Variants in TBC1D19 observed in about 807,000 individuals in gnomAD.
TBC1D19 encodes TBC1 domain family member 19, also known as TBC1 domain family, member 19.
Under a neutral mutation model 89.0 loss-of-function variants are expected in TBC1D19, and 60 were observed. The ratio of observed to expected loss-of-function variants is 0.67; its 90% confidence interval spans 0.55 to 0.84. TBC1D19 has a LOEUF of 0.84. Among genes scored for constraint, TBC1D19 ranks in the 40% least tolerant of loss-of-function variants. The pLI is 0.00. For synonymous variants in TBC1D19, 189 were observed against 199.7 expected, an observed-to-expected ratio of 0.95 and a Z score of 0.45; for missense variants, 500 against 610.8, an observed-to-expected ratio of 0.82 and a Z score of 1.91.
At chr4:26,673,140 A>G (rs2109110324) in intron 10 of TBC1D19, among the ~76,000 whole-genome samples, 1 of 151,870 alleles carries the variant, frequency 6.6e-6, no homozygotes, top group South Asian at 2.1e-4. Context: ...GATTGTGTGA[A>G]CTTGGCTTTT....
upstream of TBC1D19, among the ~76,000 whole-genome samples, chr4:26,583,478 C>G (rs1739194711): frequency 6.6e-6 from 1 of 152,128 alleles, no homozygotes; most frequent in South Asian, 2.1e-4. Context: ...CTTATTCATC[C>G]TTGAATTGCT....
chr4:26,597,550 A>T (rs1272972798), intron 1 of TBC1D19, among the ~76,000 whole-genome samples: 1 of 133,340 alleles, frequency 7.5e-6, no homozygotes. Flanking sequence ...TTTTAAGTAG[A>T]GACGGGGTTT....
At chr4:26,614,889 T>C (rs1182127806) in intron 3 of TBC1D19, among the ~76,000 whole-genome samples, 1 of 151,938 alleles carries the variant, frequency 6.6e-6, no homozygotes, top group Admixed American at 6.6e-5. Flanking sequence ...TGTTGGCCAG[T>C]CTAGTCTCGA....
intron 7 of TBC1D19, among the ~76,000 whole-genome samples, chr4:26,651,219 A>ATG: frequency 6.6e-6 from 1 of 152,094 alleles, no homozygotes; most frequent in Admixed American, 6.6e-5. Flanking sequence ...GGTTCCATGC[A>ATG]AACTTTATGG....
chr4:26,635,766 A>G (rs78143283), intron 4 of TBC1D19, among the ~76,000 whole-genome samples: 4,299 of 152,200 alleles, frequency 0.028, 189 homozygotes, highest in African/African-American at 0.096. Context: ...CCCATAAGCA[A>G]AGTCACCTAA....
At chr4:26,743,780 A>T (rs1718500667) in intron 18 of TBC1D19, among the ~76,000 whole-genome samples, 1 of 151,776 alleles carries the variant, frequency 6.6e-6, no homozygotes, top group Admixed American at 6.6e-5. Context: ...TAAGACTTTT[A>T]TTCTTGTAGT....
At chr4:26,607,388 T>C (rs1741080472) in intron 1 of TBC1D19, among the ~76,000 whole-genome samples, 1 of 152,208 alleles carries the variant, frequency 6.6e-6, no homozygotes, top group African/African-American at 2.4e-5. Context: ...TAATTTATAT[T>C]GGACTTCACA....
At chr4:26,846,386 A>G in the TBC1D19 span, among the ~76,000 whole-genome samples, 2 of 152,282 alleles carry the variant, frequency 1.3e-5, no homozygotes, top group South Asian at 2.1e-4. Flanking sequence ...TCATTTTTCA[A>G]CTACTTGTAT....
chr4:26,708,759 C>T (rs1425713749), intron 13 of TBC1D19, among the ~76,000 whole-genome samples: 1 of 151,956 alleles, frequency 6.6e-6, no homozygotes, highest in East Asian at 1.9e-4. Context: ...CTTTGAATCC[C>T]TCTACTGAGT....
intron 18 of TBC1D19, among the ~76,000 whole-genome samples, chr4:26,745,471 G>T (rs1391601203): frequency 7.1e-6 from 1 of 141,376 alleles, no homozygotes; most frequent in Non-Finnish European, 1.5e-5. Flanking sequence ...GTTTTTGATA[G>T]GTGCCATGAG....
the TBC1D19 span, among the ~76,000 whole-genome samples, chr4:26,810,392 C>G: frequency 1.3e-5 from 2 of 152,212 alleles, no homozygotes. Context: ...AGTGCCTCAT[C>G]TATCCAGGCC....
chr4:26,751,195 A>G (rs1316989545), intron 19 of TBC1D19, among the ~76,000 whole-genome samples: 8 of 152,194 alleles, frequency 5.3e-5, no homozygotes, highest in Non-Finnish European at 8.8e-5. Context: ...ATGTGACACC[A>G]AGATAAATAA....
chr4:26,649,943 A>G (rs537659215), intron 7 of TBC1D19, among the ~76,000 whole-genome samples: 203 of 133,840 alleles, frequency 1.5e-3, no homozygotes, highest in African/African-American at 4.6e-3. Flanking sequence ...ATTCCCACCT[A>G]TGAGTGAGAA....
chr4:26,650,211 C>T (rs1744266815), intron 7 of TBC1D19, among the ~76,000 whole-genome samples: 1 of 151,942 alleles, frequency 6.6e-6, no homozygotes, highest in Non-Finnish European at 1.5e-5. Context: ...GATTTATAAT[C>T]CTTTGAGTAT....
At position 26,584,268 on chromosome 4, in the gene TBC1D19, C is replaced by T. The variant is rs766433249; in HGVS notation, c.75C>T (p.Tyr25=). The T allele has an allele frequency of 6.2e-5, 100 of 1,611,938 alleles. No individual in the cohort carries two copies. Among genetic ancestry groups the T allele is most frequent in the Non-Finnish European group, 7.3e-5 (86 of 1,179,358 alleles). The part of the protein sequence containing the change: ...IVQKLKGSNL[Y]SQLERQAWAS... ...AAAAGCTCAAGGGCTCCAATTTGTA[C>T]TCTCAGCTGGAACGGCAGGCCTGGG... Residue 25 remains tyrosine (Y), a synonymous_variant, in exon 1 of 21, where the codon TAC becomes TAT. Coordinates refer to ENST00000264866, the MANE Select transcript of TBC1D19 (RefSeq NM_018317.4).
chr4:26,742,720 A>G (rs1301702251), intron 18 of TBC1D19, 121 bp downstream of exon 18: 3 of 589,924 alleles, frequency 5.1e-6, no homozygotes, highest in Non-Finnish European at 8.3e-6. Context: ...AGTTTTCCTA[A>G]TAAAACTATA....
the TBC1D19 span, among the ~76,000 whole-genome samples, chr4:26,762,633 A>G: frequency 2.0e-5 from 3 of 152,204 alleles, no homozygotes; most frequent in Non-Finnish European, 2.9e-5. Context: ...TGAAAACTGT[A>G]TATGTTACCT....
At chr4:26,644,316 C>G (rs1312705176) in intron 7 of TBC1D19, among the ~76,000 whole-genome samples, 1 of 152,102 alleles carries the variant, frequency 6.6e-6, no homozygotes, top group Non-Finnish European at 1.5e-5. Flanking sequence ...GAACCAAAGA[C>G]AAAAATCACA....
At chr4:26,763,034 C>T in the TBC1D19 span, among the ~76,000 whole-genome samples, 2 of 152,134 alleles carry the variant, frequency 1.3e-5, no homozygotes, top group Non-Finnish European at 2.9e-5. Context: ...TCTGTCTCCT[C>T]GCAGCTAAAT....
Sources: gnomAD v4.1 joint callset for allele counts (sites outside exome capture counted in the v4.1 genomes callset) on GRCh38, gnomAD v4.1.1 for gene constraint, MANE v1.5 for transcripts, NCBI Gene and HGNC (gene_info 2026-07-23, HGNC 2026-07-21) for gene names.